The following UNC79 variants were observed in gnomAD, a reference collection of about 807,000 sequenced individuals.
UNC79 encodes protein unc-79 homolog.
Under a neutral mutation model 283.1 loss-of-function variants are expected in UNC79, and 37 were observed. That is an observed-to-expected ratio of 0.13 (90% CI 0.10 to 0.17). The LOEUF is 0.17. Among genes scored for constraint, UNC79 ranks in the 10% least tolerant of loss-of-function variants. The probability of loss-of-function intolerance (pLI) is 1.00; values close to 1 mark genes in which losing one functional copy is unlikely to be tolerated. For missense variants in UNC79, 2,272 were observed against 3,211.1 expected, an observed-to-expected ratio of 0.71 and a Z score of 7.07; for synonymous variants, 1,107 against 1,200.2, an observed-to-expected ratio of 0.92 and a Z score of 1.61.
intron 1 of UNC79, among the ~76,000 whole-genome samples, chr14:93,340,718 T>C (rs2053689972): frequency 6.6e-6 from 1 of 152,114 alleles, no homozygotes. Flanking sequence ...CCTACAGATG[T>C]GCACCACCAT....
Position 93,436,072 on chromosome 14 carries a change from G to T in UNC79, c.22+5021G>T, listed in dbSNP as rs375243605. ...CTGTGTCTCCAGTGTGCAATCCCTT[G>T]TCCAGTGCATAGTGTTTGCACAAAA... On this transcript the variant is annotated intron_variant, in intron 1 of 48. Transcript: ENST00000555664. Among the ~76,000 whole-genome samples, 12 of 152,232 alleles carry T rather than the reference G, an allele frequency of 7.9e-5. No individual in the cohort carries two copies. The South Asian group carries it at 1.9e-3, about 24-fold the overall frequency.
chr14:93,347,358 C>G, intron 1 of UNC79: 1 of 1,586,364 alleles, frequency 6.3e-7, no homozygotes, highest in South Asian at 1.1e-5. Flanking sequence ...GCTTCGCCCA[C>G]TCGGGGCCCC....
intron 1 of UNC79, among the ~76,000 whole-genome samples, chr14:93,352,896 AAACGTGCTCAG>A (rs1035205316): frequency 3.3e-5 from 5 of 152,246 alleles, no homozygotes; most frequent in Admixed American, 3.3e-4. Flanking sequence ...AGCCTACCTT[AAACGTGCTCAG>A]AACACTTATA....
upstream of UNC79, among the ~76,000 whole-genome samples, chr14:93,426,752 T>C (rs887783562): frequency 6.7e-6 from 1 of 149,626 alleles, no homozygotes; most frequent in Non-Finnish European, 1.5e-5. Flanking sequence ...CTGACATCTT[T>C]ACAATCATTA....
intron 1 of UNC79, among the ~76,000 whole-genome samples, chr14:93,462,664 T>A (rs1167622833): frequency 1.3e-5 from 2 of 149,208 alleles, no homozygotes; most frequent in Non-Finnish European, 2.9e-5. Context: ...TTGATAGGAT[T>A]TAGTGATAAG....
At chr14:93,692,144 A>G (rs546296802) in intron 46 of UNC79, among the ~76,000 whole-genome samples, 198 bp downstream of exon 49, 3 of 152,350 alleles carry the variant, frequency 2.0e-5, no homozygotes, top group South Asian at 4.1e-4. Context: ...TAAAAACAAA[A>G]TAATAGTTCA....
intron 1 of UNC79, among the ~76,000 whole-genome samples, chr14:93,344,963 C>T (rs1014296972): frequency 9.9e-5 from 15 of 152,068 alleles, no homozygotes; most frequent in African/African-American, 2.7e-4. Flanking sequence ...TTTGGGAGGC[C>T]GAGGCAGGTG....
At chr14:93,605,835 TC>T (rs910359294) in intron 26 of UNC79, among the ~76,000 whole-genome samples, 9 of 152,080 alleles carry the variant, frequency 5.9e-5, no homozygotes, top group South Asian at 2.1e-4. Flanking sequence ...ATCCCAGAGA[TC>T]AACCAGGCAG....
intron 4 of UNC79, among the ~76,000 whole-genome samples, chr14:93,485,955 A>G (rs1352207871): frequency 1.3e-5 from 2 of 152,156 alleles, no homozygotes; most frequent in East Asian, 1.9e-4. Flanking sequence ...CCTCTGATTT[A>G]TTGTATGACA....
chr14:93,654,589 A>T (rs1162599114), intron 37 of UNC79, among the ~76,000 whole-genome samples: 2 of 150,772 alleles, frequency 1.3e-5, no homozygotes, highest in Admixed American at 6.6e-5. Flanking sequence ...TTAAAAATTA[A>T]CATAATTTAA....
At chr14:93,491,006 T>C (rs1394589288) in intron 5 of UNC79, among the ~76,000 whole-genome samples, 1 of 152,196 alleles carries the variant, frequency 6.6e-6, no homozygotes, top group African/African-American at 2.4e-5. Context: ...TTGTTTCTTA[T>C]AGTTCCAGGG....
chr14:93,674,161 A>C (rs1268959085), intron 41 of UNC79, among the ~76,000 whole-genome samples: 2 of 152,034 alleles, frequency 1.3e-5, no homozygotes, highest in African/African-American at 4.8e-5. Flanking sequence ...AGGTAAAAAA[A>C]CTCCTAGGGA....
chr14:93,438,624 T>C (rs1201429778), intron 1 of UNC79, among the ~76,000 whole-genome samples: 1 of 151,986 alleles, frequency 6.6e-6, no homozygotes, highest in East Asian at 1.9e-4. Flanking sequence ...TCTTAAAAAA[T>C]AATGTTTCAA....
chr14:93,478,400 T>C (rs1307517616), intron 4 of UNC79, among the ~76,000 whole-genome samples: 1 of 152,182 alleles, frequency 6.6e-6, no homozygotes, highest in Non-Finnish European at 1.5e-5. Flanking sequence ...AAAAAAATAT[T>C]GCATTGTGGT....
Position 93,617,038 on chromosome 14 carries a change from A to C in UNC79, c.4042-84A>C. 7.6e-7 allele frequency: 1 copy of C among 1,311,204 alleles called. No homozygotes were observed. Among genetic ancestry groups the C allele is most frequent in the Admixed American group, 2.3e-5 (1 of 44,392 alleles). 81.2% of individuals were successfully genotyped at this position (1,311,204 alleles called of 1,614,324 possible). Reference sequence around the variant, plus strand: ...ATTTTGCCTGTTAAAAATTTTAACCACTGGGATGGCTCAAATTTTTCCTTT... The same window carrying C: ...ATTTTGCCTGTTAAAAATTTTAACCCCTGGGATGGCTCAAATTTTTCCTTT... On this transcript the variant is annotated intron_variant, in intron 27 of 48. Transcript: ENST00000555664. The surrounding 1 kb of genome is among the most constrained non-coding windows in gnomAD (Gnocchi z 4.5).
intron 1 of UNC79, among the ~76,000 whole-genome samples, chr14:93,345,430 G>A (rs2053803933): frequency 6.7e-6 from 1 of 150,078 alleles, no homozygotes; most frequent in Admixed American, 6.6e-5. Flanking sequence ...TAGAATGTAC[G>A]CTAAAGAAAC....
chr14:93,655,331 C>T (rs755460895), exon 38 of UNC79: 37 of 1,613,996 alleles, frequency 2.3e-5, no homozygotes, highest in Non-Finnish European at 2.9e-5. Context: ...ATGGATTCTC[C>T]TAGTAGCCTC....
Position 93,588,785 on chromosome 14 carries a change from A to T in UNC79, c.3032+1877A>T, listed in dbSNP as rs139397872. On this transcript the variant is annotated intron_variant, in intron 22 of 48. Coordinates refer to ENST00000555664, the Ensembl canonical transcript of UNC79. Reference sequence around the variant, plus strand: ...AAAAAAAGAGAGAGAAAATCCGAACATATTTATGGTCAGTGGGAAAGGGCC... The same window carrying T: ...AAAAAAAGAGAGAGAAAATCCGAACTTATTTATGGTCAGTGGGAAAGGGCC... 5.9e-3 allele frequency among the ~76,000 whole-genome samples: 889 copies of T among 151,500 alleles called. 10 individuals are homozygous for T. The highest frequency in any genetic ancestry group is 0.02 in the African/African-American group (839 of 41,306).
At chr14:93,644,039 A>G (rs1373999128) in intron 34 of UNC79, among the ~76,000 whole-genome samples, 3 of 152,174 alleles carry the variant, frequency 2.0e-5, no homozygotes, top group Non-Finnish European at 4.4e-5. Flanking sequence ...ATTACCTGTT[A>G]TTATTATTTC....
Sources: allele counts gnomAD v4.1 joint callset (sites outside exome capture counted in the v4.1 genomes callset), GRCh38; gene constraint gnomAD v4.1.1; non-coding constraint Gnocchi (gnomAD v3.1); transcripts MANE v1.5; gene names NCBI Gene and HGNC (gene_info 2026-07-23, HGNC 2026-07-21).